The following CD1B variants were observed in gnomAD, a reference collection of about 807,000 sequenced individuals.
CD1B encodes the protein T-cell surface glycoprotein CD1b.
CD1B carries 43 observed loss-of-function variants against 39.8 expected under a neutral mutation model. That is an observed-to-expected ratio of 1.08 (90% CI 0.85 to 1.39). The LOEUF (loss-of-function observed/expected upper bound fraction) is 1.39. Ranked by LOEUF, CD1B falls within the 40% of genes most tolerant of loss-of-function variation. CD1B has a pLI of 0.00. For missense variants in CD1B, 495 were observed against 403.8 expected, an observed-to-expected ratio of 1.23 and a Z score of -1.94; for synonymous variants, 192 against 152.5, an observed-to-expected ratio of 1.26 and a Z score of -1.91.
At chr1:158,320,148 G>A in the CD1B span, among the ~76,000 whole-genome samples, 1 of 151,540 alleles carries the variant, frequency 6.6e-6, no homozygotes, top group Non-Finnish European at 1.5e-5. Flanking sequence ...GGAGCCTACA[G>A]AGGCAGGCAG....
At chr1:158,317,117 A>G in the CD1B span, among the ~76,000 whole-genome samples, 1 of 151,990 alleles carries the variant, frequency 6.6e-6, no homozygotes, top group East Asian at 1.9e-4. Context: ...ATTGGTCTAA[A>G]ATTCTCTTTT....
chr1:158,299,612 G>A, the CD1B span, among the ~76,000 whole-genome samples: 1 of 152,120 alleles, frequency 6.6e-6, no homozygotes, highest in Non-Finnish European at 1.5e-5. Flanking sequence ...AATCCATCTG[G>A]TCCTGGACTT....
the CD1B span, among the ~76,000 whole-genome samples, chr1:158,312,057 T>C: frequency 2.9e-4 from 44 of 152,298 alleles, no homozygotes; most frequent in Non-Finnish European, 4.9e-4. Context: ...TGATAGAGAT[T>C]ACATTGAATC....
the CD1B span, among the ~76,000 whole-genome samples, chr1:158,321,871 A>G: frequency 2.0e-5 from 3 of 152,152 alleles, no homozygotes; most frequent in East Asian, 5.8e-4. Flanking sequence ...TTACCCAGGT[A>G]TTAACCCCAG....
At chr1:158,317,843 A>C in the CD1B span, among the ~76,000 whole-genome samples, 1 of 152,198 alleles carries the variant, frequency 6.6e-6, no homozygotes, top group African/African-American at 2.4e-5. Flanking sequence ...AATGCGTCCC[A>C]GAGATTCTGG....
At chr1:158,304,246 A>G in the CD1B span, among the ~76,000 whole-genome samples, 1 of 152,132 alleles carries the variant, frequency 6.6e-6, no homozygotes, top group Admixed American at 6.5e-5. Flanking sequence ...CCACCCTAAT[A>G]CTGTGCTTTT....
chr1:158,329,225 AC>A (rs747411762), intron 4 of CD1B, 144 bp downstream of exon 4: 3 of 1,115,928 alleles, frequency 2.7e-6, no homozygotes, highest in Non-Finnish European at 3.8e-6. Flanking sequence ...ATCTATTTTT[AC>A]TCCTGTTGGG....
the CD1B span, among the ~76,000 whole-genome samples, chr1:158,307,418 G>C: frequency 1.3e-5 from 2 of 151,998 alleles, no homozygotes; most frequent in African/African-American, 4.8e-5. Context: ...CCAATAACAG[G>C]CTCTGAAATT....
At chr1:158,306,710 C>T in the CD1B span, among the ~76,000 whole-genome samples, 1 of 152,140 alleles carries the variant, frequency 6.6e-6, no homozygotes, top group Non-Finnish European at 1.5e-5. Context: ...TGTAAAAGAA[C>T]AGAAATTATA....
the CD1B span, among the ~76,000 whole-genome samples, chr1:158,320,625 C>T: frequency 6.6e-6 from 1 of 152,206 alleles, no homozygotes; most frequent in Admixed American, 6.5e-5. Flanking sequence ...TCTTCTGCGT[C>T]ACTCAGGCTG....
chr1:158,325,850 G>T (rs1356335727), downstream of CD1B, among the ~76,000 whole-genome samples: 1 of 152,136 alleles, frequency 6.6e-6, no homozygotes, highest in African/African-American at 2.4e-5. Context: ...TGTAAAATGT[G>T]TAAGAGTTGA....
rs754453411 is a variant in CD1B at position 158,328,913 on chromosome 1, C to T, written c.980+8G>A. ...TTAAAAAAAAAAACAACACCACCCACAACTCACCGGCGCCTCATATACCAT... is the reference window on the plus strand; with the variant it reads ...TTAAAAAAAAAAACAACACCACCCATAACTCACCGGCGCCTCATATACCAT... On this transcript the variant is annotated splice_region_variant and intron_variant, in intron 5 of 5. Coordinates refer to ENST00000368168, the MANE Select transcript of CD1B (RefSeq NM_001764.3). 1.2e-5 allele frequency: 19 copies of T among 1,587,492 alleles called. No homozygotes were observed. The highest frequency in any genetic ancestry group is 1.5e-5 in the Non-Finnish European group (18 of 1,168,550).
At chr1:158,306,317 T>A in the CD1B span, among the ~76,000 whole-genome samples, 3 of 151,732 alleles carry the variant, frequency 2.0e-5, no homozygotes, top group South Asian at 2.1e-4. Context: ...CCAACAAAGA[T>A]CAAAAGAGAC....
chr1:158,306,720 A>C, the CD1B span, among the ~76,000 whole-genome samples: 1 of 152,216 alleles, frequency 6.6e-6, no homozygotes, highest in Admixed American at 6.5e-5. Context: ...CAGAAATTAT[A>C]ACAAACTGTC....
At chr1:158,307,387 G>A in the CD1B span, among the ~76,000 whole-genome samples, 2 of 152,072 alleles carry the variant, frequency 1.3e-5, no homozygotes, top group Non-Finnish European at 2.9e-5. Flanking sequence ...AAATCAGGAA[G>A]AATTTGAATC....
At chr1:158,328,357 CA>C in intron 5 of CD1B, 100 bp from the exon 6 acceptor site, 2 of 921,352 alleles carry the variant, frequency 2.2e-6, no homozygotes, top group Non-Finnish European at 3.4e-6. Context: ...GAAAGCAACC[CA>C]AGTGTCCATA....
At chr1:158,318,132 A>C in the CD1B span, among the ~76,000 whole-genome samples, 78 of 152,240 alleles carry the variant, frequency 5.1e-4, no homozygotes, top group African/African-American at 1.5e-3. Context: ...AAAAAAATGT[A>C]TATTCTGTTG....
chr1:158,323,557 C>T (rs1571180079), downstream of CD1B, among the ~76,000 whole-genome samples: 1 of 152,116 alleles, frequency 6.6e-6, no homozygotes, highest in Admixed American at 6.5e-5. Context: ...TGTGTATGTA[C>T]ATTGATGTAT....
chr1:158,312,109 A>T, the CD1B span, among the ~76,000 whole-genome samples: 48,287 of 151,972 alleles, frequency 0.32, 8,203 homozygotes, highest in African/African-American at 0.43. Context: ...AACAATGCCA[A>T]TTATTTCAAT....
Sources: allele counts gnomAD v4.1 joint callset (sites outside exome capture counted in the v4.1 genomes callset), GRCh38; gene constraint gnomAD v4.1.1; transcripts MANE v1.5; gene names NCBI Gene and HGNC (gene_info 2026-07-23, HGNC 2026-07-21).